Variants in GSKIP observed in about 807,000 individuals in gnomAD.
GSKIP encodes GSK3B-interacting protein.
GSKIP carries 5 observed loss-of-function variants against 11.9 expected under a neutral mutation model. That is an observed-to-expected ratio of 0.42 (90% confidence interval 0.22 to 0.89). GSKIP has a LOEUF of 0.89. GSKIP is among the 40% of genes least tolerant of loss of function. The probability of loss-of-function intolerance (pLI) is 0.29; values close to 1 mark genes in which losing one functional copy is unlikely to be tolerated. For synonymous variants in GSKIP, 70 were observed against 62.9 expected, an observed-to-expected ratio of 1.11 and a Z score of -0.54; for missense variants, 150 against 166.6, an observed-to-expected ratio of 0.90 and a Z score of 0.55.
At chr14:96,385,123 C>A (rs1318584088) in intron 3 of GSKIP, among the ~76,000 whole-genome samples, 1 of 151,916 alleles carries the variant, frequency 6.6e-6, no homozygotes, top group Admixed American at 6.6e-5. Flanking sequence ...ATAGTGGACC[C>A]TCAATATATG....
chr14:96,369,212 G>C (rs1888979686), intron 1 of GSKIP, among the ~76,000 whole-genome samples: 2 of 152,296 alleles, frequency 1.3e-5, no homozygotes, highest in South Asian at 4.1e-4. Context: ...AGCAGCAAAG[G>C]GTTCAAGAAG....
intron 1 of GSKIP, among the ~76,000 whole-genome samples, chr14:96,377,263 A>G (rs1009329632): frequency 7.2e-5 from 11 of 152,240 alleles, no homozygotes; most frequent in African/African-American, 2.7e-4. Flanking sequence ...GTCATCACAG[A>G]AAGTTCCATT....
intron 1 of GSKIP, among the ~76,000 whole-genome samples, chr14:96,369,420 A>G (rs967815433): frequency 1.3e-5 from 2 of 152,340 alleles, no homozygotes; most frequent in African/African-American, 4.8e-5. Context: ...AATAGCCAAG[A>G]CAATGGGGAA....
chr14:96,373,805 A>G (rs937789828), intron 1 of GSKIP, among the ~76,000 whole-genome samples: 3 of 152,224 alleles, frequency 2.0e-5, no homozygotes, highest in Non-Finnish European at 4.4e-5. Context: ...CAGAAAGATC[A>G]AGCTGTTTCC....
chr14:96,369,031 C>T (rs1888974590), intron 1 of GSKIP, among the ~76,000 whole-genome samples: 1 of 152,192 alleles, frequency 6.6e-6, no homozygotes, highest in African/African-American at 2.4e-5. Flanking sequence ...ACAGTAAAGG[C>T]TATGCTGAGG....
At chr14:96,385,390 A>G in intron 3 of GSKIP, 133 bp from the exon 4 acceptor site, 1 of 631,164 alleles carries the variant, frequency 1.6e-6, no homozygotes, top group South Asian at 2.0e-5. Flanking sequence ...TTACCCATGT[A>G]TCTGGTGGTC....
intron 1 of GSKIP, among the ~76,000 whole-genome samples, chr14:96,369,527 A>G (rs1050467094): frequency 6.6e-6 from 1 of 152,184 alleles, no homozygotes; most frequent in African/African-American, 2.4e-5. Flanking sequence ...CATGGGCGCA[A>G]CTGTCCTGTG....
rs141695583 is a variant in GSKIP, at chr14:96,381,284, A to G, written c.-1-963A>G. 4.9e-3 allele frequency among the ~76,000 whole-genome samples: 750 copies of G among 152,328 alleles called. 12 individuals are homozygous for G. The highest frequency in any genetic ancestry group is 0.017 in the African/African-American group (692 of 41,578). On this transcript the variant is annotated intron_variant, in intron 2 of 3. Transcript: ENST00000555181. ...TAATATTTGATCAAGTTAGCGTGAG[A>G]AATTAGAAATAATATTTTTCAAAAT...
At chr14:96,385,441 T>A (rs895029340) in intron 3 of GSKIP, 82 bp from the exon 4 acceptor site, 1 of 1,052,820 alleles carries the variant, frequency 9.5e-7, no homozygotes, top group African/African-American at 1.6e-5. Context: ...TTTGAAAGGA[T>A]GATTACTCAC....
chr14:96,372,564 G>A (rs1369639222), intron 1 of GSKIP, among the ~76,000 whole-genome samples: 4 of 152,218 alleles, frequency 2.6e-5, no homozygotes, highest in Non-Finnish European at 5.9e-5. Flanking sequence ...AACATATGGT[G>A]AGCATGTGTC....
At chr14:96,381,101 C>T (rs1192209497) in intron 2 of GSKIP, among the ~76,000 whole-genome samples, 1 of 152,188 alleles carries the variant, frequency 6.6e-6, no homozygotes, top group Non-Finnish European at 1.5e-5. Context: ...AATAGCTCAC[C>T]ATAACTTGTT....
intron 1 of GSKIP, among the ~76,000 whole-genome samples, chr14:96,372,673 G>C (rs1380379399): frequency 6.6e-6 from 1 of 152,178 alleles, no homozygotes; most frequent in African/African-American, 2.4e-5. Context: ...CAAATATGGT[G>C]AGCCTGTTGC....
chr14:96,377,787 T>G (rs201146555), intron 1 of GSKIP, among the ~76,000 whole-genome samples: 1 of 152,172 alleles, frequency 6.6e-6, no homozygotes, highest in Non-Finnish European at 1.5e-5. Context: ...AGCATCTGAT[T>G]AGCTAGACCA....
chr14:96,373,386 T>G (rs547173024), intron 1 of GSKIP, among the ~76,000 whole-genome samples: 20 of 152,214 alleles, frequency 1.3e-4, no homozygotes, highest in Middle Eastern at 3.4e-3. Flanking sequence ...TTCCAAAGTG[T>G]TGTGCCAGTT....
chr14:96,368,012 T>C (rs142171952), intron 1 of GSKIP, among the ~76,000 whole-genome samples: 4 of 152,290 alleles, frequency 2.6e-5, no homozygotes, highest in East Asian at 3.9e-4. Context: ...AGAATGTACT[T>C]TAAATATAGT....
intron 1 of GSKIP, among the ~76,000 whole-genome samples, chr14:96,372,106 T>C (rs377326230): frequency 2.0e-5 from 3 of 152,372 alleles, no homozygotes; most frequent in Admixed American, 1.3e-4. Flanking sequence ...GGCAGTTCTG[T>C]AATATTTCCT....
At chr14:96,378,088 G>A (rs911266368) in intron 1 of GSKIP, among the ~76,000 whole-genome samples, 3 of 152,190 alleles carry the variant, frequency 2.0e-5, no homozygotes, top group Admixed American at 6.5e-5. Context: ...AAGCGCAGTG[G>A]CTCACACCTG....
At chr14:96,366,645 C>G (rs1888892029) in intron 1 of GSKIP, among the ~76,000 whole-genome samples, 1 of 152,198 alleles carries the variant, frequency 6.6e-6, no homozygotes, top group Non-Finnish European at 1.5e-5. Context: ...GTAATCCCAG[C>G]ACTTTGGAAG....
chr14:96,366,751 AAAG>A (rs1446229324), intron 1 of GSKIP, among the ~76,000 whole-genome samples: 1 of 152,226 alleles, frequency 6.6e-6, no homozygotes, highest in Non-Finnish European at 1.5e-5. Context: ...AAATTTTAAA[AAAG>A]AAAATAATTA....
Sources: allele counts gnomAD v4.1 joint callset (sites outside exome capture counted in the v4.1 genomes callset), GRCh38; gene constraint gnomAD v4.1.1; transcripts MANE v1.5; gene names NCBI Gene and HGNC (gene_info 2026-07-23, HGNC 2026-07-21).